ASTN2: variants seen among roughly 807,000 people sequenced by gnomAD.
The protein encoded by ASTN2 is astrotactin-2.
A neutral mutation model predicts 139.8 loss-of-function variants in ASTN2; 54 were observed. The observed-to-expected ratio is 0.39, with a 90% CI of 0.31 to 0.48. ASTN2 has a LOEUF of 0.48. ASTN2 is among the 20% of genes least tolerant of loss of function. The pLI is 0.95. For missense variants in ASTN2, 1,565 were observed against 1,725.1 expected, an observed-to-expected ratio of 0.91 and a Z score of 1.64; for synonymous variants, 756 against 719.5, an observed-to-expected ratio of 1.05 and a Z score of -0.81.
At chr9:117,311,763 G>A (rs1827983075) in intron 1 of ASTN2, among the ~76,000 whole-genome samples, 1 of 152,110 alleles carries the variant, frequency 6.6e-6, no homozygotes, top group African/African-American at 2.4e-5. Context: ...TGCCTCTTTT[G>A]TTCACTGCTG....
At chr9:116,602,577 T>C (rs1854961981) in intron 19 of ASTN2, among the ~76,000 whole-genome samples, 3 of 152,080 alleles carry the variant, frequency 2.0e-5, no homozygotes, top group Non-Finnish European at 4.4e-5. Context: ...TGGAGAAAAA[T>C]TATACTACTC....
rs555044545 is a variant in ASTN2 at position 117,414,140 on chromosome 9, A to T, written c.442+357T>A. On this transcript the variant is annotated intron_variant, in intron 1 of 22. Transcript: ENST00000313400. The surrounding 1 kb of genome is among the most constrained non-coding windows in gnomAD (Gnocchi z 4.2). Reference sequence around the variant, plus strand: ...CGGAGAAGTGGGAGGCTCGACCTGAAACTGGCTTAGGATCTGGGATGCTCC... The same window carrying T: ...CGGAGAAGTGGGAGGCTCGACCTGATACTGGCTTAGGATCTGGGATGCTCC... Among the ~76,000 whole-genome samples, 3 of 152,050 alleles carry T rather than the reference A, an allele frequency of 2.0e-5. No homozygotes were observed. The East Asian group carries it at 5.9e-4, about 30-fold the overall frequency.
At chr9:116,789,493 A>C (rs780282084) in intron 13 of ASTN2, among the ~76,000 whole-genome samples, 1 of 152,348 alleles carries the variant, frequency 6.6e-6, no homozygotes, top group Admixed American at 6.5e-5. Context: ...GATTATCATT[A>C]ATAGTAATTA....
At chr9:117,188,462 C>A (rs1485901181) in intron 3 of ASTN2, among the ~76,000 whole-genome samples, 3 of 152,064 alleles carry the variant, frequency 2.0e-5, no homozygotes, top group East Asian at 1.9e-4. Flanking sequence ...GTGGGGCTAT[C>A]ATCTCCATTT....
intron 11 of ASTN2, among the ~76,000 whole-genome samples, chr9:116,837,909 C>A (rs747566546): frequency 6.6e-6 from 1 of 152,146 alleles, no homozygotes; most frequent in Non-Finnish European, 1.5e-5. Flanking sequence ...AGTCTTAGAA[C>A]CAGCCTTTTA....
chr9:117,155,153 C>T (rs1830405003), intron 3 of ASTN2, among the ~76,000 whole-genome samples: 1 of 152,022 alleles, frequency 6.6e-6, no homozygotes, highest in African/African-American at 2.4e-5. Flanking sequence ...GAAATTGTTT[C>T]TATCCCATGG....
intron 11 of ASTN2, among the ~76,000 whole-genome samples, chr9:116,841,362 C>T (rs970000545): frequency 2.0e-5 from 3 of 152,014 alleles, no homozygotes; most frequent in Non-Finnish European, 4.4e-5. Flanking sequence ...GAGAGGGAGA[C>T]CGTGGAAAGA....
chr9:116,858,076 A>G (rs1832786769), intron 11 of ASTN2, among the ~76,000 whole-genome samples: 1 of 152,192 alleles, frequency 6.6e-6, no homozygotes, highest in African/African-American at 2.4e-5. Context: ...AGCCAGTGTC[A>G]ACCACCAATG....
At chr9:117,085,502 G>C (rs766160396) in intron 5 of ASTN2, among the ~76,000 whole-genome samples, 9 of 152,176 alleles carry the variant, frequency 5.9e-5, no homozygotes, top group African/African-American at 2.2e-4. Context: ...GGGATGGGCT[G>C]GTCCCTGCAC....
At chr9:116,972,058 T>G (rs1174343097) in intron 10 of ASTN2, among the ~76,000 whole-genome samples, 1 of 152,182 alleles carries the variant, frequency 6.6e-6, no homozygotes, top group Non-Finnish European at 1.5e-5. Flanking sequence ...AAAACACTCA[T>G]GTAACCACCA....
chr9:116,914,572 T>TTATTATTAG (rs978387265), intron 10 of ASTN2, among the ~76,000 whole-genome samples: 2 of 143,352 alleles, frequency 1.4e-5, no homozygotes, highest in Non-Finnish European at 3.0e-5. Flanking sequence ...ATTATTATTA[T>TTATTATTAG]TTATATATAT....
chr9:117,017,567 C>T (rs189642208), intron 6 of ASTN2, among the ~76,000 whole-genome samples: 1 of 152,156 alleles, frequency 6.6e-6, no homozygotes, highest in South Asian at 2.1e-4. Context: ...TGGTAAGCCT[C>T]CTGCATTTCT....
chr9:116,734,514 G>A (rs1013788105), intron 13 of ASTN2, among the ~76,000 whole-genome samples: 1 of 151,538 alleles, frequency 6.6e-6, no homozygotes, highest in Non-Finnish European at 1.5e-5. Flanking sequence ...GACTTATGAG[G>A]TCCCTTTATA....
intron 22 of ASTN2, among the ~76,000 whole-genome samples, chr9:116,430,030 T>C (rs1847446159): frequency 6.6e-6 from 1 of 152,210 alleles, no homozygotes. Flanking sequence ...GGGAGACCAG[T>C]GAGCTTGGCA....
intron 7 of ASTN2, among the ~76,000 whole-genome samples, chr9:116,993,875 TA>T (rs1836934985): frequency 7.2e-6 from 1 of 138,826 alleles, no homozygotes; most frequent in East Asian, 2.0e-4. Context: ...TATATATATA[TA>T]TTTTAACTAT....
At chr9:116,537,176 T>C (rs1021327204) in intron 19 of ASTN2, among the ~76,000 whole-genome samples, 2 of 152,238 alleles carry the variant, frequency 1.3e-5, no homozygotes, top group East Asian at 3.8e-4. Flanking sequence ...TATAATCTCC[T>C]GGTGTGCCGT....
chr9:116,521,089 C>G (rs1475012609), intron 19 of ASTN2, among the ~76,000 whole-genome samples: 1 of 151,998 alleles, frequency 6.6e-6, no homozygotes, highest in Non-Finnish European at 1.5e-5. Context: ...CAAAAGCAAT[C>G]TACAAATTCA....
At chr9:117,258,195 G>A (rs931654774) in intron 2 of ASTN2, among the ~76,000 whole-genome samples, 1 of 152,126 alleles carries the variant, frequency 6.6e-6, no homozygotes, top group Non-Finnish European at 1.5e-5. Flanking sequence ...GTGGTGGAGG[G>A]AGGCTGACAG....
chr9:116,540,265 A>G (rs1851822996), intron 19 of ASTN2, among the ~76,000 whole-genome samples: 3 of 152,150 alleles, frequency 2.0e-5, no homozygotes, highest in Non-Finnish European at 4.4e-5. Context: ...TTATTATTAG[A>G]TCCTGCATCA....
Sources: allele counts gnomAD v4.1 joint callset (sites outside exome capture counted in the v4.1 genomes callset), GRCh38; gene constraint gnomAD v4.1.1; non-coding constraint Gnocchi (gnomAD v3.1); transcripts MANE v1.5; gene names NCBI Gene and HGNC (gene_info 2026-07-23, HGNC 2026-07-21).